The following PPM1H variants were observed in gnomAD, a reference collection of about 807,000 sequenced individuals.
The protein encoded by PPM1H is protein phosphatase 1H.
A neutral mutation model predicts 54.9 loss-of-function variants in PPM1H; 27 were observed. That is an observed-to-expected ratio of 0.49 (90% CI 0.36 to 0.68). PPM1H has a LOEUF of 0.68. Among genes scored for constraint, PPM1H ranks in the 30% least tolerant of loss-of-function variants. PPM1H has a pLI of 0.00. For missense variants in PPM1H, 596 were observed against 667.8 expected (o/e 0.89, Z 1.19); for synonymous variants, 305 against 270.8 (o/e 1.13, Z -1.24).
intron 4 of PPM1H, among the ~76,000 whole-genome samples, chr12:62,760,402 C>T (rs2076501488): frequency 6.6e-6 from 1 of 152,110 alleles, no homozygotes; most frequent in Non-Finnish European, 1.5e-5. Flanking sequence ...CCTCTCACCT[C>T]CTCCCCAGGC....
At chr12:62,669,624 GC>G (rs1384506022) in intron 8 of PPM1H, among the ~76,000 whole-genome samples, 1 of 152,112 alleles carries the variant, frequency 6.6e-6, no homozygotes, top group African/African-American at 2.4e-5. Flanking sequence ...TGGGCTCCTA[GC>G]TTCAAGTACT....
intron 6 of PPM1H, among the ~76,000 whole-genome samples, chr12:62,696,485 A>C (rs2076115445): frequency 6.6e-6 from 1 of 152,218 alleles, no homozygotes; most frequent in Admixed American, 6.5e-5. Context: ...GAAAAGTACA[A>C]CACCTTCTCC....
chr12:62,671,555 A>G (rs1275232234), intron 8 of PPM1H, among the ~76,000 whole-genome samples: 1 of 152,204 alleles, frequency 6.6e-6, no homozygotes, highest in Non-Finnish European at 1.5e-5. Flanking sequence ...CTTCTAAACT[A>G]GTAGATGAGA....
chr12:62,726,830 T>C (rs2076292396), intron 5 of PPM1H, among the ~76,000 whole-genome samples: 1 of 152,194 alleles, frequency 6.6e-6, no homozygotes, highest in African/African-American at 2.4e-5. Context: ...GTCTTCAAAA[T>C]GATTTTACTT....
At position 62,802,018 on chromosome 12, in the gene PPM1H, G is replaced by A; in HGVS notation, c.554C>T (p.Ala185Val). The A allele has an allele frequency of 2.5e-6, 4 of 1,613,494 alleles. No individual in the cohort carries two copies. The highest frequency in any genetic ancestry group is 3.4e-6 in the Non-Finnish European group (4 of 1,179,766). Residue 185 changes from alanine to valine, a missense_variant, in exon 3 of 10, where the codon GCC (alanine) becomes GTC (valine). Physicochemically the swap from Ala to Val is moderately conservative, Grantham distance 64. This residue lies in a region of PPM1H where 382 missense variants were observed against 387.1 expected (regional missense o/e 0.99). Coordinates refer to ENST00000228705, the MANE Select transcript of PPM1H (RefSeq NM_020700.2). ...QDIVDILKNS[A>V]VLPPTCLGEE... ...CCCCAGGCAGGTAGGGGGCAGGACG[G>A]CGGAGTTCTTCAGGATGTCCACGAT...
chr12:62,699,141 G>A (rs1018831759), intron 6 of PPM1H, among the ~76,000 whole-genome samples: 1 of 152,086 alleles, frequency 6.6e-6, no homozygotes, highest in Non-Finnish European at 1.5e-5. Flanking sequence ...AAATTCAGCA[G>A]TATCCTTTTT....
chr12:62,688,693 A>C (rs1328785468), intron 8 of PPM1H, among the ~76,000 whole-genome samples: 1 of 152,188 alleles, frequency 6.6e-6, no homozygotes, highest in African/African-American at 2.4e-5. Flanking sequence ...GGGATAAGGT[A>C]TACATAAATA....
At chr12:62,664,016 T>C (rs1364076464) in intron 9 of PPM1H, among the ~76,000 whole-genome samples, 1 of 151,752 alleles carries the variant, frequency 6.6e-6, no homozygotes, top group African/African-American at 2.4e-5. Flanking sequence ...AAAATTATTC[T>C]GTGTACATTT....
chr12:62,702,175 A>C (rs1292847087), intron 6 of PPM1H, among the ~76,000 whole-genome samples: 3 of 152,204 alleles, frequency 2.0e-5, no homozygotes, highest in East Asian at 3.9e-4. Flanking sequence ...TACTTATATT[A>C]AAATTTCAAG....
At chr12:62,910,286 A>T (rs1200506263) in intron 1 of PPM1H, among the ~76,000 whole-genome samples, 1 of 152,206 alleles carries the variant, frequency 6.6e-6, no homozygotes, top group Non-Finnish European at 1.5e-5. Context: ...AAGTGAATAC[A>T]TTGGGATGCT....
At chr12:62,923,853 C>T (rs1348225441) in intron 1 of PPM1H, among the ~76,000 whole-genome samples, 1 of 152,184 alleles carries the variant, frequency 6.6e-6, no homozygotes. Flanking sequence ...GAGTTTAGAA[C>T]CCCAAAGGGC....
chr12:62,720,420 T>G, intron 5 of PPM1H, 131 bp from the exon 6 acceptor site: 1 of 641,598 alleles, frequency 1.6e-6, no homozygotes, highest in Non-Finnish European at 2.7e-6. Flanking sequence ...ATATTTTAAG[T>G]AAATAGATTT....
intron 1 of PPM1H, among the ~76,000 whole-genome samples, chr12:62,928,891 A>G (rs992120463): frequency 1.1e-4 from 16 of 152,166 alleles, no homozygotes; most frequent in African/African-American, 3.6e-4. Context: ...TTGTTTTCCT[A>G]TATTGCAACA....
rs150158357 is a variant in PPM1H, at chr12:62,930,693, G to C, written c.245+3799C>G. The stretch of plus-strand genomic sequence containing the variant: ...ATTTGAGAGAAAGGAAGTAGCTGCC[G>C]CCTGGTCTCTGGGTCAGACTGTTGC... On this transcript the variant is annotated intron_variant, in intron 1 of 9. Transcript: ENST00000228705. 5.9e-5 allele frequency among the ~76,000 whole-genome samples: 9 copies of C among 151,434 alleles called. No homozygotes were observed. The South Asian group carries it at 1.9e-3, about 32-fold the overall frequency.
intron 1 of PPM1H, among the ~76,000 whole-genome samples, chr12:62,924,380 T>C (rs1259266134): frequency 6.6e-6 from 1 of 152,240 alleles, no homozygotes; most frequent in Non-Finnish European, 1.5e-5. Context: ...GGCTGACTTT[T>C]CAGTGCTGCC....
intron 9 of PPM1H, among the ~76,000 whole-genome samples, chr12:62,663,069 G>A (rs755191402): frequency 5.3e-5 from 8 of 152,148 alleles, no homozygotes; most frequent in Non-Finnish European, 1.0e-4. Flanking sequence ...CTCATTTTGG[G>A]GGTGGGGGAG....
intron 2 of PPM1H, among the ~76,000 whole-genome samples, chr12:62,819,444 C>T (rs1369165637): frequency 1.3e-5 from 2 of 152,150 alleles, no homozygotes; most frequent in Non-Finnish European, 2.9e-5. Context: ...GCTTTCTTAA[C>T]CCCAAAGGAG....
At chr12:62,774,671 C>CT (rs1453405031) in intron 4 of PPM1H, among the ~76,000 whole-genome samples, 1 of 152,104 alleles carries the variant, frequency 6.6e-6, no homozygotes, top group South Asian at 2.1e-4. Context: ...AGTTATACTC[C>CT]TTTTTTCCCC....
At chr12:62,904,500 T>C (rs571569791) in intron 1 of PPM1H, among the ~76,000 whole-genome samples, 25 of 152,278 alleles carry the variant, frequency 1.6e-4, no homozygotes, top group African/African-American at 6.0e-4. Flanking sequence ...GTGAACACAA[T>C]GCCATATTTT....
Sources: gnomAD v4.1 joint callset for allele counts (sites outside exome capture counted in the v4.1 genomes callset) on GRCh38, gnomAD v4.1.1 for gene constraint, gnomAD v4.1.1 regional missense constraint, MANE v1.5 for transcripts, NCBI Gene and HGNC (gene_info 2026-07-23, HGNC 2026-07-21) for gene names.